The following SLC17A3 variants were observed in gnomAD, a reference collection of about 807,000 sequenced individuals.
The protein encoded by SLC17A3 is solute carrier family 17 member 3.
Under a neutral mutation model 60.3 loss-of-function variants are expected in SLC17A3, and 61 were observed. The observed-to-expected ratio is 1.01, with a 90% CI of 0.82 to 1.25. SLC17A3 has a LOEUF of 1.25. Ranked by LOEUF, SLC17A3 falls within the 50% of genes most tolerant of loss-of-function variation. The pLI, the probability that SLC17A3 is intolerant of heterozygous loss-of-function variation, is 0.00. For missense variants in SLC17A3, 624 were observed against 594.9 expected, an observed-to-expected ratio of 1.05 and a Z score of -0.51; for synonymous variants, 192 against 208.9, an observed-to-expected ratio of 0.92 and a Z score of 0.70.
At chr6:25,872,199 T>C (rs1407507652) in intron 1 of SLC17A3, among the ~76,000 whole-genome samples, 1 of 151,990 alleles carries the variant, frequency 6.6e-6, no homozygotes, top group African/African-American at 2.4e-5. Context: ...TCTTGAGGTT[T>C]TTTACATCTC....
intron 1 of SLC17A3, 53 bp from the exon 2 acceptor site, chr6:25,868,473 C>T (rs535966299): frequency 4.2e-5 from 49 of 1,172,002 alleles, no homozygotes; most frequent in South Asian, 1.1e-4. Context: ...AGAGACTCCC[C>T]GTTGAAATAT....
intron 1 of SLC17A3, 115 bp from the exon 2 acceptor site, chr6:25,868,535 G>C (rs1485208032): frequency 1.5e-6 from 1 of 687,892 alleles, no homozygotes; most frequent in East Asian, 2.7e-5. Flanking sequence ...TCTGGTTGGA[G>C]ACAGGGAGGC....
chr6:25,845,829 T>C (rs978182924), intron 11 of SLC17A3, among the ~76,000 whole-genome samples: 1 of 152,246 alleles, frequency 6.6e-6, no homozygotes, highest in African/African-American at 2.4e-5. Context: ...ATTCTTCTTA[T>C]GTTGTGCTGG....
At chr6:25,867,116 T>C (rs953149473) in intron 2 of SLC17A3, among the ~76,000 whole-genome samples, 11 of 152,012 alleles carry the variant, frequency 7.2e-5, no homozygotes, top group Admixed American at 2.6e-4. Flanking sequence ...CCAAACACTT[T>C]GCAATCCTTG....
At chr6:25,850,432 G>A (rs2151519483) in intron 8 of SLC17A3, 27 bp downstream of exon 8, 2 of 1,610,744 alleles carry the variant, frequency 1.2e-6, no homozygotes, top group Non-Finnish European at 1.7e-6. Flanking sequence ...GCAAGCAGGA[G>A]AAAGGAAGGG....
Position 25,849,371 on chromosome 6 carries a change from T to C in SLC17A3, c.1362+3A>G. On this transcript the variant is annotated splice_donor_region_variant and intron_variant, in intron 11 of 12. Transcript: ENST00000397060. ...GGAGTCCTTCATGACAAAAAAATTG[T>C]ACCTGACTAAGAAGAAATCCACTGA... 23 of 1,575,758 alleles carry C rather than the reference T, an allele frequency of 1.5e-5. No individual in the cohort carries two copies. Among genetic ancestry groups the C allele is most frequent in the East Asian group, 2.2e-5 (1 of 44,576 alleles).
chr6:25,871,246 C>T (rs1388745493), intron 1 of SLC17A3, among the ~76,000 whole-genome samples: 5 of 151,994 alleles, frequency 3.3e-5, no homozygotes, highest in Admixed American at 2.0e-4. Flanking sequence ...ACCCAAATGT[C>T]CAACAATGAC....
chr6:25,858,288 C>T lies in SLC17A3; in HGVS notation c.626-3058G>A, dbSNP rs1020620357. Among the ~76,000 whole-genome samples, 5 of 152,178 alleles carry T rather than the reference C, an allele frequency of 3.3e-5. No homozygotes were observed. The South Asian group carries it at 6.2e-4, about 19-fold the overall frequency. ...CTTCCCAAAAGGCTGTGCTAACTGC[C>T]TCCATTCTCTTTCTTCTTATTCTTT... is the stretch of plus-strand genomic sequence containing the variant. On this transcript the variant is annotated intron_variant, in intron 5 of 12. Coordinates refer to ENST00000397060, the MANE Select transcript of SLC17A3 (RefSeq NM_001098486.2).
intron 5 of SLC17A3, among the ~76,000 whole-genome samples, chr6:25,856,804 G>A (rs1013403609): frequency 4.7e-5 from 7 of 148,414 alleles, no homozygotes; most frequent in Middle Eastern, 3.3e-3. Context: ...CCGAGATTGC[G>A]CCACTGCACT....
At chr6:25,849,754 C>A (rs1291640389) in intron 10 of SLC17A3, 51 bp downstream of exon 10, 3 of 1,595,448 alleles carry the variant, frequency 1.9e-6, no homozygotes, top group South Asian at 1.1e-5. Flanking sequence ...AAGCTGAAAG[C>A]TAAATCTTTT....
chr6:25,870,210 C>A (rs73385013), intron 1 of SLC17A3, among the ~76,000 whole-genome samples: 3,744 of 151,906 alleles, frequency 0.025, 132 homozygotes, highest in African/African-American at 0.08. Context: ...CATTCTAATT[C>A]CATGGTGTGG....
intron 1 of SLC17A3, among the ~76,000 whole-genome samples, chr6:25,871,872 A>T (rs1765647322): frequency 6.6e-6 from 1 of 152,042 alleles, no homozygotes; most frequent in African/African-American, 2.4e-5. Flanking sequence ...GACATATCCA[A>T]GTATGGTAAG....
intron 2 of SLC17A3, among the ~76,000 whole-genome samples, chr6:25,867,777 T>C (rs1183523521): frequency 6.6e-6 from 1 of 151,842 alleles, no homozygotes; most frequent in African/African-American, 2.4e-5. Context: ...TCACACTTTG[T>C]GAATCTAATA....
chr6:25,850,830 C>T lies in SLC17A3; in HGVS notation c.760G>A (p.Asp254Asn), dbSNP rs1443735156. Residue 254 changes from aspartate to asparagine, a missense_variant, in exon 7 of 13, where the codon GAT (aspartate) becomes AAT (asparagine). Coordinates refer to ENST00000397060, the MANE Select transcript of SLC17A3 (RefSeq NM_001098486.2). ...ATCCATGGATAGGAAACGGGGTCAT[C>T]ATAAATCACAACAAACCAGAGAAGG... ...CCLLWFVVIY[D>N]DPVSYPWIST... The T allele has an allele frequency of 1.2e-6, 2 of 1,614,074 alleles. No individual in the cohort carries two copies. Among genetic ancestry groups the T allele is most frequent in the Non-Finnish European group, 1.7e-6 (2 of 1,179,960 alleles).
chr6:25,863,189 C>T (rs1329262959), intron 2 of SLC17A3, among the ~76,000 whole-genome samples: 2 of 151,988 alleles, frequency 1.3e-5, no homozygotes, highest in Non-Finnish European at 2.9e-5. Flanking sequence ...TGTAGTAAAA[C>T]ATAGGGAAAT....
In SLC17A3 at chr6:25,855,355, G is replaced by A. The variant is rs1467861880; in HGVS notation, c.626-125C>T. 7.4e-6 allele frequency: 5 copies of A among 679,572 alleles called. No homozygotes were observed. In the Admixed American group the frequency reaches 1.0e-4, roughly 14 times the overall value. 42.1% of individuals were successfully genotyped at this position (679,572 alleles called of 1,614,324 possible). The stretch of plus-strand genomic sequence containing the variant: ...CATAAGGAGACGAGCATATTAGAAT[G>A]CACAAACTTCAAATTTATGATTTAA... On this transcript the variant is annotated intron_variant, in intron 5 of 12. Coordinates refer to ENST00000397060, the MANE Select transcript of SLC17A3 (RefSeq NM_001098486.2).
intron 1 of SLC17A3, among the ~76,000 whole-genome samples, chr6:25,873,341 C>T (rs1021933032): frequency 6.6e-6 from 1 of 152,092 alleles, no homozygotes; most frequent in Middle Eastern, 3.2e-3. Flanking sequence ...ATATATTGCA[C>T]TCTGAGAAGT....
intron 11 of SLC17A3, among the ~76,000 whole-genome samples, chr6:25,846,602 T>C (rs1765178204): frequency 6.6e-6 from 1 of 152,070 alleles, no homozygotes; most frequent in Non-Finnish European, 1.5e-5. Flanking sequence ...GTGATGGAAA[T>C]ATTCTTTTCT....
At chr6:25,861,536 A>G (rs1765445769) in intron 5 of SLC17A3, 88 bp downstream of exon 5, 2 of 990,202 alleles carry the variant, frequency 2.0e-6, no homozygotes, top group South Asian at 2.6e-5. Context: ...TGAGCAGATG[A>G]TGAGGAACTA....
Sources: gnomAD v4.1 joint callset for allele counts (sites outside exome capture counted in the v4.1 genomes callset) on GRCh38, gnomAD v4.1.1 for gene constraint, MANE v1.5 for transcripts, NCBI Gene and HGNC (gene_info 2026-07-23, HGNC 2026-07-21) for gene names.